GPC5: variants seen among roughly 807,000 people sequenced by gnomAD.
The protein encoded by GPC5 is glypican-5.
GPC5 carries 47 observed loss-of-function variants against 53.9 expected under a neutral mutation model. The observed-to-expected ratio is 0.87, with a 90% CI of 0.69 to 1.11. GPC5 has a LOEUF of 1.11. GPC5 is among the 50% of genes most tolerant of loss of function. The probability of loss-of-function intolerance (pLI) is 0.00; values close to 1 mark genes in which losing one functional copy is unlikely to be tolerated. For synonymous variants in GPC5, 286 were observed against 263.3 expected, an observed-to-expected ratio of 1.09 and a Z score of -0.84; for missense variants, 748 against 713.1, an observed-to-expected ratio of 1.05 and a Z score of -0.56.
At chr13:91,657,482 T>G (rs2062870564) in intron 2 of GPC5, among the ~76,000 whole-genome samples, 1 of 152,104 alleles carries the variant, frequency 6.6e-6, no homozygotes, top group Admixed American at 6.6e-5. Flanking sequence ...GGTTGCGGAT[T>G]CTATGGCTAT....
intron 1 of GPC5, among the ~76,000 whole-genome samples, chr13:91,416,851 T>A (rs1207795304): frequency 6.6e-6 from 1 of 152,352 alleles, no homozygotes; most frequent in South Asian, 2.1e-4. Flanking sequence ...CAGTCTATCA[T>A]TGATGGACAT....
At chr13:91,694,895 C>T (rs2139823119) in intron 3 of GPC5, among the ~76,000 whole-genome samples, 1 of 152,314 alleles carries the variant, frequency 6.6e-6, no homozygotes, top group African/African-American at 2.4e-5. Context: ...AGGCATGAGC[C>T]ACCGCGCCCA....
intron 7 of GPC5, among the ~76,000 whole-genome samples, chr13:92,487,903 C>T (rs1206612000): frequency 6.6e-6 from 1 of 150,900 alleles, no homozygotes. Context: ...GAGCAGATCC[C>T]TTTGATGAGA....
chr13:92,805,430 G>C (rs1877058102), intron 7 of GPC5, among the ~76,000 whole-genome samples: 1 of 151,924 alleles, frequency 6.6e-6, no homozygotes, highest in Non-Finnish European at 1.5e-5. Context: ...TTTTGAAAGA[G>C]ATCTTTTTAA....
chr13:92,762,321 C>T (rs952672564), intron 7 of GPC5, among the ~76,000 whole-genome samples: 17 of 151,906 alleles, frequency 1.1e-4, no homozygotes, highest in African/African-American at 1.9e-4. Flanking sequence ...ACGGAAGTTA[C>T]GTTATCAGTG....
chr13:92,516,157 A>AT (rs925461315), intron 7 of GPC5, among the ~76,000 whole-genome samples: 8 of 151,984 alleles, frequency 5.3e-5, no homozygotes, highest in African/African-American at 1.7e-4. Flanking sequence ...GGTACAGCTA[A>AT]TTTTTTTTCT....
At chr13:91,665,189 G>A (rs2035078141) in intron 2 of GPC5, among the ~76,000 whole-genome samples, 1 of 152,156 alleles carries the variant, frequency 6.6e-6, no homozygotes, top group Admixed American at 6.5e-5. Context: ...GTTGCTTCAT[G>A]CTACAAAATG....
rs1290954030 is a variant in GPC5 at position 91,972,399 on chromosome 13, A to T, written c.1401+64342A>T. Among the ~76,000 whole-genome samples, 7 of 152,210 alleles carry T rather than the reference A, an allele frequency of 4.6e-5. No individual in the cohort carries two copies. In the East Asian group the frequency reaches 1.4e-3, roughly 29 times the overall value. ...TGGGTTTCCTGAATACAGCACACTG[A>T]TGGGTCTTGACTCTTTATCCAATTT... On this transcript the variant is annotated intron_variant, in intron 6 of 7. Coordinates refer to ENST00000377067, the MANE Select transcript of GPC5 (RefSeq NM_004466.6).
intron 7 of GPC5, among the ~76,000 whole-genome samples, chr13:92,735,096 G>T (rs566955776): frequency 6.6e-6 from 1 of 151,944 alleles, no homozygotes; most frequent in East Asian, 1.9e-4. Context: ...CCAACAAATA[G>T]AAAAATATTT....
intron 6 of GPC5, among the ~76,000 whole-genome samples, chr13:91,974,333 C>A (rs2040275702): frequency 6.6e-6 from 1 of 152,120 alleles, no homozygotes; most frequent in Non-Finnish European, 1.5e-5. Flanking sequence ...CAAATTGTCC[C>A]TGTTTGTAGA....
intron 7 of GPC5, among the ~76,000 whole-genome samples, chr13:92,665,032 G>A (rs550362577): frequency 7.2e-5 from 11 of 152,184 alleles, no homozygotes; most frequent in South Asian, 2.1e-4. Context: ...AGTAGAAATC[G>A]AGTTTGTAGA....
intron 7 of GPC5, among the ~76,000 whole-genome samples, chr13:92,676,054 T>C (rs1886927749): frequency 6.6e-6 from 1 of 152,198 alleles, no homozygotes; most frequent in Admixed American, 6.5e-5. Flanking sequence ...CCTAACCAGA[T>C]ATTTTTTGCC....
intron 7 of GPC5, among the ~76,000 whole-genome samples, chr13:92,610,103 G>A (rs1884387173): frequency 7.0e-6 from 1 of 141,932 alleles, no homozygotes; most frequent in South Asian, 2.3e-4. Context: ...GTTGAACTTT[G>A]TGTTCAAAGA....
intron 7 of GPC5, among the ~76,000 whole-genome samples, chr13:92,211,804 G>C (rs994797398): frequency 2.6e-5 from 4 of 152,156 alleles, no homozygotes; most frequent in Non-Finnish European, 4.4e-5. Context: ...CCAAGGAGAG[G>C]ATTTTTATCT....
intron 7 of GPC5, among the ~76,000 whole-genome samples, chr13:92,506,175 G>C (rs1457166031): frequency 6.6e-6 from 1 of 152,026 alleles, no homozygotes; most frequent in Non-Finnish European, 1.5e-5. Context: ...GTATTTAATA[G>C]TAGTAAAAAG....
intron 6 of GPC5, among the ~76,000 whole-genome samples, chr13:92,100,537 T>C (rs907516549): frequency 2.0e-5 from 3 of 152,208 alleles, no homozygotes; most frequent in African/African-American, 7.2e-5. Flanking sequence ...ACTACAATAC[T>C]TATGTAGCAA....
intron 2 of GPC5, among the ~76,000 whole-genome samples, chr13:91,479,315 C>T (rs1488332255): frequency 1.3e-5 from 2 of 152,072 alleles, no homozygotes; most frequent in African/African-American, 4.8e-5. Context: ...ACAAAAGCAT[C>T]TAAACCTTCA....
intron 5 of GPC5, among the ~76,000 whole-genome samples, chr13:91,822,307 C>A (rs74966160): frequency 4.6e-5 from 7 of 152,118 alleles, no homozygotes; most frequent in African/African-American, 7.2e-5. Context: ...GATTAATTTC[C>A]ATGGACACTC....
At chr13:92,769,404 G>GTT (rs573639630) in intron 7 of GPC5, among the ~76,000 whole-genome samples, 34 of 147,678 alleles carry the variant, frequency 2.3e-4, no homozygotes, top group South Asian at 4.3e-4. Context: ...GTCCACCTGT[G>GTT]TTTTTTTTTT....
Sources: allele counts gnomAD v4.1 joint callset (sites outside exome capture counted in the v4.1 genomes callset), GRCh38; gene constraint gnomAD v4.1.1; transcripts MANE v1.5; gene names NCBI Gene and HGNC (gene_info 2026-07-23, HGNC 2026-07-21).